Variants in NR3C2 observed in about 807,000 individuals in gnomAD.
NR3C2 encodes the protein mineralocorticoid receptor.
A neutral mutation model predicts 86.4 loss-of-function variants in NR3C2; 15 were observed. That is an observed-to-expected ratio of 0.17 (90% CI 0.12 to 0.27). The LOEUF is 0.27. NR3C2 is among the 10% of genes least tolerant of loss of function. NR3C2 has a pLI of 1.00. For synonymous variants in NR3C2, 458 were observed against 450.5 expected, an observed-to-expected ratio of 1.02 and a Z score of -0.21; for missense variants, 960 against 1,195.6, an observed-to-expected ratio of 0.80 and a Z score of 2.91.
intron 2 of NR3C2, among the ~76,000 whole-genome samples, chr4:148,367,666 T>G (rs1450120685): frequency 6.6e-6 from 1 of 152,062 alleles, no homozygotes; most frequent in African/African-American, 2.4e-5. Context: ...CAAAGGCAAG[T>G]GTAATATACC....
chr4:148,266,590 C>A (rs889463755), intron 2 of NR3C2, among the ~76,000 whole-genome samples: 10 of 152,138 alleles, frequency 6.6e-5, no homozygotes, highest in African/African-American at 2.4e-4. Context: ...GGGCTGGATC[C>A]CATGGCTTTG....
In NR3C2 at chr4:148,352,617, G is replaced by A. The variant is rs563861021; in HGVS notation, c.1757+82487C>T. Among the ~76,000 whole-genome samples, 12 of 152,176 alleles carry A rather than the reference G, an allele frequency of 7.9e-5. No individual in the cohort carries two copies. The South Asian group carries it at 1.9e-3, about 24-fold the overall frequency. ...GATGAGACATCATGTACATTTGGTC[G>A]CTGATCTCTATTTATCTTATTCCTA... On this transcript the variant is annotated intron_variant, in intron 2 of 8. Coordinates refer to ENST00000358102, the MANE Select transcript of NR3C2 (RefSeq NM_000901.5).
At chr4:148,424,069 A>G (rs1242499809) in intron 2 of NR3C2, among the ~76,000 whole-genome samples, 1 of 152,224 alleles carries the variant, frequency 6.6e-6, no homozygotes, top group Non-Finnish European at 1.5e-5. Context: ...CTTCTATCAA[A>G]AAGTTTACAA....
chr4:148,261,610 A>G (rs979368244), intron 2 of NR3C2, among the ~76,000 whole-genome samples: 4 of 152,214 alleles, frequency 2.6e-5, no homozygotes, highest in Non-Finnish European at 2.9e-5. Flanking sequence ...AGGTGGAAGA[A>G]TGTGCAGAAG....
chr4:148,267,089 A>C (rs1740434340), intron 2 of NR3C2, among the ~76,000 whole-genome samples: 1 of 152,160 alleles, frequency 6.6e-6, no homozygotes. Flanking sequence ...CATATATGTC[A>C]GGTTTATTAA....
intron 2 of NR3C2, among the ~76,000 whole-genome samples, chr4:148,317,804 CA>C (rs1743278341): frequency 1.7e-5 from 2 of 120,124 alleles, no homozygotes; most frequent in East Asian, 2.2e-4. Context: ...AAGTCTATCT[CA>C]TTTTTTTTTT....
chr4:148,176,741 C>A (rs1034854193), intron 4 of NR3C2, among the ~76,000 whole-genome samples: 4 of 152,156 alleles, frequency 2.6e-5, no homozygotes, highest in African/African-American at 9.7e-5. Flanking sequence ...ACCATCACAG[C>A]ATTGCATGGG....
At chr4:148,125,848 T>A (rs940093251) in intron 6 of NR3C2, among the ~76,000 whole-genome samples, 1 of 152,224 alleles carries the variant, frequency 6.6e-6, no homozygotes, top group Non-Finnish European at 1.5e-5. Flanking sequence ...TTGCATATGA[T>A]GATGATAATT....
chr4:148,315,914 C>T (rs1561036376), intron 2 of NR3C2, among the ~76,000 whole-genome samples: 1 of 152,078 alleles, frequency 6.6e-6, no homozygotes, highest in Non-Finnish European at 1.5e-5. Context: ...ATATATACTT[C>T]CAAAAATCTT....
chr4:148,169,240 A>G lies in NR3C2; in HGVS notation c.2015-14339T>C, dbSNP rs539296791. On this transcript the variant is annotated intron_variant, in intron 4 of 8. Coordinates refer to ENST00000358102, the MANE Select transcript of NR3C2 (RefSeq NM_000901.5). ...TTAACATCAGTATGGTTAAGAAATC[A>G]CTTACATAAATTATTCTCAATATTA... 2.0e-5 allele frequency among the ~76,000 whole-genome samples: 3 copies of G among 152,276 alleles called. No homozygotes were observed. The East Asian group carries it at 5.8e-4, about 29-fold the overall frequency.
chr4:148,128,825 A>G (rs1392798237), intron 6 of NR3C2, among the ~76,000 whole-genome samples: 1 of 152,208 alleles, frequency 6.6e-6, no homozygotes, highest in African/African-American at 2.4e-5. Context: ...AAAGCAGTGC[A>G]TTTTGCAGAC....
At chr4:148,232,057 G>T (rs1284230375) in intron 3 of NR3C2, among the ~76,000 whole-genome samples, 2 of 152,158 alleles carry the variant, frequency 1.3e-5, no homozygotes, top group African/African-American at 4.8e-5. Flanking sequence ...ACCCCTCAAA[G>T]TCATCCATGA....
intron 3 of NR3C2, among the ~76,000 whole-genome samples, chr4:148,197,610 C>T (rs1474993934): frequency 6.6e-6 from 1 of 151,978 alleles, no homozygotes; most frequent in East Asian, 1.9e-4. Context: ...AAACAGAGAC[C>T]TTCAAATGCC....
chr4:148,109,408 C>T (rs1012063764), intron 8 of NR3C2, among the ~76,000 whole-genome samples: 1 of 152,220 alleles, frequency 6.6e-6, no homozygotes, highest in Non-Finnish European at 1.5e-5. Flanking sequence ...ATATCGTCCT[C>T]TATCGATTAC....
chr4:148,340,221 A>G (rs975637456), intron 2 of NR3C2, among the ~76,000 whole-genome samples: 5 of 152,208 alleles, frequency 3.3e-5, no homozygotes, highest in African/African-American at 1.2e-4. Context: ...CTGAGCAAAA[A>G]GAACAGAAGG....
chr4:148,194,371 G>GTAC (rs1451037843), intron 4 of NR3C2, among the ~76,000 whole-genome samples: 4 of 152,108 alleles, frequency 2.6e-5, no homozygotes, highest in African/African-American at 9.7e-5. Flanking sequence ...AGTTAGGTAT[G>GTAC]TACTCTATGT....
chr4:148,155,163 T>C (rs1173849322), intron 4 of NR3C2, among the ~76,000 whole-genome samples: 2 of 152,206 alleles, frequency 1.3e-5, no homozygotes, highest in African/African-American at 2.4e-5. Context: ...ATAAGCTGCA[T>C]AGGAACCCAG....
At chr4:148,233,657 G>C (rs530751325) in intron 3 of NR3C2, among the ~76,000 whole-genome samples, 10 of 152,214 alleles carry the variant, frequency 6.6e-5, no homozygotes, top group Admixed American at 4.6e-4. Flanking sequence ...TCAATATGTT[G>C]TGTCTCAGGG....
At chr4:148,399,361 ATTGT>A (rs1436003644) in intron 2 of NR3C2, among the ~76,000 whole-genome samples, 1 of 151,944 alleles carries the variant, frequency 6.6e-6, no homozygotes, top group East Asian at 1.9e-4. Flanking sequence ...AATACTTAAC[ATTGT>A]TTTTCTATAT....
Sources: gnomAD v4.1 joint callset for allele counts (sites outside exome capture counted in the v4.1 genomes callset) on GRCh38, gnomAD v4.1.1 for gene constraint, MANE v1.5 for transcripts, NCBI Gene and HGNC (gene_info 2026-07-23, HGNC 2026-07-21) for gene names.